CACHD1: variants seen among roughly 807,000 people sequenced by gnomAD.
CACHD1 encodes the protein VWFA and cache domain-containing protein 1.
Under a neutral mutation model 138.7 loss-of-function variants are expected in CACHD1, and 71 were observed. The observed-to-expected ratio is 0.51, with a 90% CI of 0.42 to 0.62. The LOEUF (loss-of-function observed/expected upper bound fraction) is 0.62. Among genes scored for constraint, CACHD1 ranks in the 20% least tolerant of loss-of-function variants. CACHD1 has a pLI of 0.00. For synonymous variants in CACHD1, 578 were observed against 591.5 expected, an observed-to-expected ratio of 0.98 and a Z score of 0.33; for missense variants, 1,389 against 1,625.3, an observed-to-expected ratio of 0.85 and a Z score of 2.50.
At chr1:64,480,671 T>A (rs1646203106) in intron 1 of CACHD1, among the ~76,000 whole-genome samples, 1 of 151,994 alleles carries the variant, frequency 6.6e-6, no homozygotes, top group Non-Finnish European at 1.5e-5. Flanking sequence ...ACAATTTTTA[T>A]TTTTTTATTT....
intron 1 of CACHD1, among the ~76,000 whole-genome samples, chr1:64,487,341 C>G (rs966336309): frequency 1.3e-5 from 2 of 152,154 alleles, no homozygotes; most frequent in African/African-American, 2.4e-5. Context: ...TTTCTCCCCC[C>G]AGGCTTTGAA....
chr1:64,677,765 C>T (rs568881135), intron 22 of CACHD1, among the ~76,000 whole-genome samples: 1 of 151,974 alleles, frequency 6.6e-6, no homozygotes, highest in Non-Finnish European at 1.5e-5. Context: ...GGTGACTGGC[C>T]AAGTATTTCC....
At chr1:64,655,249 C>T (rs2100687523) in intron 12 of CACHD1, among the ~76,000 whole-genome samples, 1 of 152,210 alleles carries the variant, frequency 6.6e-6, no homozygotes. Flanking sequence ...TTCCTTCCTT[C>T]CTTTGACTTT....
At chr1:64,542,829 T>C (rs917407111) in intron 1 of CACHD1, among the ~76,000 whole-genome samples, 1 of 152,266 alleles carries the variant, frequency 6.6e-6, no homozygotes, top group Non-Finnish European at 1.5e-5. Flanking sequence ...CAAATTAATC[T>C]CTCAGAACCT....
intron 1 of CACHD1, among the ~76,000 whole-genome samples, chr1:64,471,553 C>G (rs1451962720): frequency 6.6e-6 from 1 of 152,190 alleles, no homozygotes; most frequent in Non-Finnish European, 1.5e-5. Context: ...CTTTCCCCTC[C>G]CGGGAGCATG....
intron 26 of CACHD1, among the ~76,000 whole-genome samples, chr1:64,686,219 T>G (rs1001621456): frequency 2.0e-5 from 3 of 152,164 alleles, no homozygotes; most frequent in African/African-American, 7.2e-5. Flanking sequence ...TCCTTGAGTG[T>G]GTTACACAAA....
chr1:64,612,691 C>T (rs1647576898), intron 4 of CACHD1, among the ~76,000 whole-genome samples: 1 of 150,762 alleles, frequency 6.6e-6, no homozygotes, highest in Admixed American at 6.6e-5. Flanking sequence ...CCCCACTCCT[C>T]AAAAAAAAAG....
At chr1:64,552,801 A>G (rs1646769979) in intron 2 of CACHD1, among the ~76,000 whole-genome samples, 1 of 152,186 alleles carries the variant, frequency 6.6e-6, no homozygotes, top group Non-Finnish European at 1.5e-5. Context: ...TTTTAATTTA[A>G]CATAGTTTAT....
intron 1 of CACHD1, among the ~76,000 whole-genome samples, chr1:64,512,809 A>T (rs1051348968): frequency 1.3e-5 from 2 of 152,208 alleles, no homozygotes; most frequent in Non-Finnish European, 2.9e-5. Context: ...TTTTCAGTAT[A>T]TGCATGTAAG....
chr1:64,631,916 A>G (rs975022559), intron 5 of CACHD1, among the ~76,000 whole-genome samples: 2 of 152,154 alleles, frequency 1.3e-5, no homozygotes, highest in African/African-American at 4.8e-5. Context: ...CAGAAAGGAA[A>G]GGGGCCTCTT....
chr1:64,547,044 A>G (rs1255768371), intron 1 of CACHD1, among the ~76,000 whole-genome samples: 1 of 152,150 alleles, frequency 6.6e-6, no homozygotes, highest in Non-Finnish European at 1.5e-5. Context: ...CCTGTTTTTA[A>G]CTCAAGGTCT....
Position 64,689,899 on chromosome 1 carries a change from C to A in CACHD1, c.3587-1424C>A, listed in dbSNP as rs560553529. 5.0e-4 allele frequency among the ~76,000 whole-genome samples: 76 copies of A among 152,278 alleles called. No homozygotes were observed. The South Asian group carries it at 0.016, about 32-fold the overall frequency. On this transcript the variant is annotated intron_variant, in intron 26 of 26. Transcript: ENST00000651257. ...TCCCTCTTCTGGATTTTAATTATAC[C>A]TCAGTTATAGCACTTACCATTATCT... is the stretch of plus-strand genomic sequence containing the variant.
intron 1 of CACHD1, among the ~76,000 whole-genome samples, chr1:64,539,535 G>A (rs1046633850): frequency 2.0e-5 from 3 of 152,152 alleles, no homozygotes; most frequent in African/African-American, 7.2e-5. Context: ...TCTCTAGAAT[G>A]TGAACTTTTT....
intron 1 of CACHD1, among the ~76,000 whole-genome samples, chr1:64,505,445 G>A (rs1041496711): frequency 1.3e-5 from 2 of 152,128 alleles, no homozygotes; most frequent in Non-Finnish European, 2.9e-5. Context: ...GCTTTCCTGG[G>A]CCTCGGAGAG....
In CACHD1 at chr1:64,679,629, C is replaced by A. The variant is rs145468960; in HGVS notation, c.3279C>A (p.Ser1093Arg). The A allele has an allele frequency of 1.2e-6, 2 of 1,614,080 alleles. No individual in the cohort carries two copies. The highest frequency in any genetic ancestry group is 1.7e-6 in the Non-Finnish European group (2 of 1,180,034). ...TGATCACATTAAACATGATTAAAAG[C>A]GCCCCTGTGGGTCCTGTGGCTGGAG... ...DEVITLNMIK[S>R]APVGPVAGGI... The change falls in exon 24 of 27, where the codon AGC becomes AGA. Residue 1093 changes from serine (S) to arginine (R), a missense_variant. Coordinates refer to ENST00000651257, the MANE Select transcript of CACHD1 (RefSeq NM_020925.4).
At chr1:64,586,997 C>T (rs1240921299) in intron 3 of CACHD1, among the ~76,000 whole-genome samples, 2 of 152,180 alleles carry the variant, frequency 1.3e-5, no homozygotes, top group Non-Finnish European at 2.9e-5. Context: ...TGTATTAATA[C>T]TGCCTTTATA....
chr1:64,601,656 T>C (rs11208478), intron 3 of CACHD1, among the ~76,000 whole-genome samples: 2,130 of 152,310 alleles, frequency 0.014, 51 homozygotes, highest in African/African-American at 0.049. Context: ...CCACGTGTTC[T>C]TATGTGTTCT....
At chr1:64,681,541 G>GTTTTTTTGTT (rs1650182846) in intron 25 of CACHD1, among the ~76,000 whole-genome samples, 2 of 68,148 alleles carry the variant, frequency 2.9e-5, no homozygotes, top group East Asian at 1.2e-3. Flanking sequence ...ATTTTATTGT[G>GTTTTTTTGTT]TTTTTTTTTT....
At chr1:64,545,117 A>G (rs1263741772) in intron 1 of CACHD1, among the ~76,000 whole-genome samples, 1 of 152,220 alleles carries the variant, frequency 6.6e-6, no homozygotes. Flanking sequence ...TTCCTTTTTA[A>G]GAATGCATCA....
Sources: gnomAD v4.1 joint callset for allele counts (sites outside exome capture counted in the v4.1 genomes callset) on GRCh38, gnomAD v4.1.1 for gene constraint, MANE v1.5 for transcripts, NCBI Gene and HGNC (gene_info 2026-07-23, HGNC 2026-07-21) for gene names.